The following LRRK1 variants were observed in gnomAD, a reference collection of about 807,000 sequenced individuals.
LRRK1 encodes leucine-rich repeat serine/threonine-protein kinase 1.
A neutral mutation model predicts 209.1 loss-of-function variants in LRRK1; 113 were observed. That is an observed-to-expected ratio of 0.54 (90% confidence interval 0.46 to 0.63). The LOEUF (loss-of-function observed/expected upper bound fraction) is 0.63, where lower values mean the gene tolerates loss of function less well. LRRK1 is among the 30% of genes least tolerant of loss of function. The pLI is 0.00. For synonymous variants in LRRK1, 1,144 were observed against 1,099.7 expected, an observed-to-expected ratio of 1.04 and a Z score of -0.80; for missense variants, 2,284 against 2,632.2, an observed-to-expected ratio of 0.87 and a Z score of 2.89.
intron 6 of LRRK1, among the ~76,000 whole-genome samples, chr15:100,998,629 ATGGG>A (rs942571548): frequency 9.8e-5 from 1 of 10,160 alleles, no homozygotes. Flanking sequence ...TAGAAAATGG[ATGGG>A]TGGGTGGGTG....
intron 7 of LRRK1, 103 bp from the exon 8 acceptor site, chr15:101,010,347 G>T (rs558013939): frequency 1.2e-4 from 156 of 1,309,452 alleles, no homozygotes; most frequent in Non-Finnish European, 1.6e-4. Context: ...CTTGCATGGG[G>T]AGAAAAAGAA....
At chr15:100,964,461 G>C (rs955472131) in intron 2 of LRRK1, among the ~76,000 whole-genome samples, 1 of 152,212 alleles carries the variant, frequency 6.6e-6, no homozygotes, top group South Asian at 2.1e-4. Flanking sequence ...GTCACCTCCC[G>C]GGAAGGCCAG....
At chr15:101,060,785 C>T (rs59945657) in intron 29 of LRRK1, among the ~76,000 whole-genome samples, 11,540 of 152,052 alleles carry the variant, frequency 0.076, 1,393 homozygotes, top group African/African-American at 0.26. Flanking sequence ...TGCCCCCCCG[C>T]CCCAACCCAA....
At chr15:100,956,450 T>TTTTTGTTTTTC (rs1567199278) in intron 2 of LRRK1, among the ~76,000 whole-genome samples, 1 of 64,640 alleles carries the variant, frequency 1.5e-5, no homozygotes, top group Non-Finnish European at 2.7e-5. Flanking sequence ...TTTCCTTTTT[T>TTTTTGTTTTTC]TTTTCTTTTT....
Position 101,027,756 on chromosome 15 carries a change from C to A in LRRK1, c.2645C>A (p.Thr882Lys). 1 of 1,602,064 alleles carries A rather than the reference C, an allele frequency of 6.2e-7. No homozygotes were observed. Among genetic ancestry groups the A allele is most frequent in the South Asian group, 1.1e-5 (1 of 88,922 alleles). The stretch of plus-strand genomic sequence containing the variant: ...CAGCTGGAGCAGCTGGTGGAGCAGA[C>A]GCCCGACAACGACATCAAGGACTAC... ...DRQLEQLVEQ[T>K]PDNDIKDYED... is the part of the protein sequence containing the mutation. Residue 882 changes from threonine to lysine, a missense_variant, in exon 19 of 34, where the codon ACG becomes AAG. Physicochemically the swap from Thr to Lys is moderately conservative, Grantham distance 78. Coordinates refer to ENST00000388948, the MANE Select transcript of LRRK1 (RefSeq NM_024652.6). This position sits in a 1 kb window ranked among gnomAD's most constrained non-coding sequence, Gnocchi z 5.1.
chr15:100,947,223 C>T (rs1242230757), intron 2 of LRRK1, among the ~76,000 whole-genome samples: 1 of 152,160 alleles, frequency 6.6e-6, no homozygotes, highest in Non-Finnish European at 1.5e-5. Context: ...TCCCAAAGTG[C>T]TGGGATTACA....
intron 3 of LRRK1, among the ~76,000 whole-genome samples, chr15:100,982,188 A>G (rs1013033482): frequency 2.0e-5 from 3 of 152,124 alleles, no homozygotes; most frequent in African/African-American, 7.2e-5. Flanking sequence ...CACACAGTAG[A>G]TCCTCAGTAG....
rs2033992865 is a variant in LRRK1, at chr15:101,025,614, AG to A, written c.2233-350del. ...GGGAGCCAGCATGTCACATAGTGAG[AG>A]AGGGAGCAGGAGAGACAGGAAGAGG... On this transcript the variant is annotated intron_variant, in intron 16 of 33. Coordinates refer to ENST00000388948, the MANE Select transcript of LRRK1 (RefSeq NM_024652.6). 3.3e-5 allele frequency among the ~76,000 whole-genome samples: 5 copies of A among 152,324 alleles called. No homozygotes were observed. The South Asian group carries it at 1.0e-3, about 32-fold the overall frequency.
intron 2 of LRRK1, among the ~76,000 whole-genome samples, chr15:100,944,478 G>A (rs149522233): frequency 6.6e-5 from 10 of 152,322 alleles, no homozygotes; most frequent in Admixed American, 6.5e-4. Context: ...ACAAGGATGG[G>A]TTTGTGGCAT....
chr15:100,936,219 A>G (rs908203284), intron 2 of LRRK1, among the ~76,000 whole-genome samples: 8 of 152,228 alleles, frequency 5.3e-5, no homozygotes, highest in Non-Finnish European at 1.0e-4. Flanking sequence ...AAATATTTTA[A>G]GAAGTCAAAC....
chr15:101,003,901 G>T (rs1209508303), intron 6 of LRRK1, among the ~76,000 whole-genome samples: 1 of 152,124 alleles, frequency 6.6e-6, no homozygotes, highest in East Asian at 1.9e-4. Context: ...GGGAGGCGGG[G>T]GAGGTCTGCA....
rs1459224772 is a variant in LRRK1, at chr15:101,010,535, G to A, written c.1075G>A (p.Ala359Thr). The change falls in exon 8 of 34, where the codon GCT becomes ACT. Residue 359 changes from alanine to threonine, a missense_variant. Physicochemically the swap from Ala to Thr is moderately conservative, Grantham distance 58. Transcript: ENST00000388948. ...CCTCTCAAAACTTCAAAAACTGACA[G>A]CTTCAAAAAATTGTTTAGAAAAATT... is the stretch of plus-strand genomic sequence containing the variant. ...LHLSKLQKLT[A>T]SKNCLEKLFE... is the part of the protein sequence containing the mutation. 4.3e-6 allele frequency: 7 copies of A among 1,612,220 alleles called. No homozygotes were observed. The African/African-American group carries it at 8.0e-5, about 18-fold the overall frequency.
rs759622116 is a variant in LRRK1, at chr15:101,021,794, G to A, written c.1740-51G>A. 10 of 1,085,178 alleles carry A rather than the reference G, an allele frequency of 9.2e-6. No individual in the cohort carries two copies. In the South Asian group the frequency reaches 1.2e-4, roughly 13 times the overall value. The allele number at this position is 1,085,178 out of a possible 1,614,324, so 67.2% of individuals were successfully genotyped here. A position where few individuals can be genotyped will look rare whatever the true frequency, so the allele number is the denominator to read the frequency against. On this transcript the variant is annotated intron_variant, in intron 13 of 33. Transcript: ENST00000388948. ...TGTGTGCGTGTGTGTGTGTGTGTGTGTGTGTGTGTGTGTGTGTGTATTCTC... is the reference window on the plus strand; with the variant it reads ...TGTGTGCGTGTGTGTGTGTGTGTGTATGTGTGTGTGTGTGTGTGTATTCTC...
chr15:101,041,785 C>A (rs2034769060), intron 20 of LRRK1, among the ~76,000 whole-genome samples: 1 of 152,204 alleles, frequency 6.6e-6, no homozygotes. Context: ...CCTACATATA[C>A]TATGCCTTTT....
chr15:100,984,245 G>A (rs2031753193), intron 4 of LRRK1, among the ~76,000 whole-genome samples: 2 of 152,150 alleles, frequency 1.3e-5, no homozygotes, highest in South Asian at 4.1e-4. Flanking sequence ...CCTCCACATG[G>A]TTTTCCCTAT....
intron 2 of LRRK1, among the ~76,000 whole-genome samples, chr15:100,963,743 C>T (rs1283488496): frequency 7.2e-5 from 11 of 152,292 alleles, no homozygotes; most frequent in African/African-American, 2.6e-4. Flanking sequence ...GTACTGCCCT[C>T]CCGCTTTCTG....
At chr15:101,015,719 C>T (rs1357118278) in intron 12 of LRRK1, among the ~76,000 whole-genome samples, 1 of 152,240 alleles carries the variant, frequency 6.6e-6, no homozygotes, top group Non-Finnish European at 1.5e-5. Flanking sequence ...GTTTCTCATC[C>T]TCACAACGTG....
In LRRK1 at chr15:101,070,617, A is replaced by G. The variant is rs970574679; in HGVS notation, c.*1769A>G. ...CTGGAAAAGCCCAGCCCCAGGCCTC[A>G]CAGAGCCAGGGGAGGGGATCTCATC... On this transcript the variant is annotated 3_prime_UTR_variant, in exon 34 of 34. Coordinates refer to ENST00000388948, the MANE Select transcript of LRRK1 (RefSeq NM_024652.6). 1 of 152,164 alleles carries G rather than the reference A, an allele frequency of 6.6e-6. No homozygotes were observed. Among genetic ancestry groups the G allele is most frequent in the African/African-American group, 2.4e-5 (1 of 41,408 alleles). The allele number at this position is 152,164 out of a possible 1,614,324, so 9.4% of individuals were successfully genotyped here.
intron 20 of LRRK1, among the ~76,000 whole-genome samples, chr15:101,039,157 C>G (rs773788753): frequency 2.0e-5 from 3 of 152,092 alleles, no homozygotes; most frequent in Non-Finnish European, 4.4e-5. Context: ...TCTTAAAAAA[C>G]CGTTGTGATT....
Sources: allele counts gnomAD v4.1 joint callset (sites outside exome capture counted in the v4.1 genomes callset), GRCh38; gene constraint gnomAD v4.1.1; non-coding constraint Gnocchi (gnomAD v3.1); transcripts MANE v1.5; gene names NCBI Gene and HGNC (gene_info 2026-07-23, HGNC 2026-07-21).